Variants in GLB1 observed in about 807,000 individuals in gnomAD.
GLB1 encodes the protein beta-galactosidase.
In GLB1, 56 loss-of-function variants were observed where a neutral mutation model predicts 74.0. The ratio of observed to expected loss-of-function variants is 0.76; its 90% CI spans 0.61 to 0.94. GLB1 has a LOEUF of 0.94. Among genes scored for constraint, GLB1 ranks in the 40% least tolerant of loss-of-function variants. The pLI, the probability that GLB1 is intolerant of heterozygous loss-of-function variation, is 0.00. For synonymous variants in GLB1, 323 were observed against 323.6 expected, an observed-to-expected ratio of 1.00 and a Z score of 0.02; for missense variants, 787 against 845.5, an observed-to-expected ratio of 0.93 and a Z score of 0.86.
intron 15 of GLB1, among the ~76,000 whole-genome samples, chr3:33,012,339 C>G (rs1178265821): frequency 2.0e-5 from 3 of 152,128 alleles, no homozygotes; most frequent in African/African-American, 7.2e-5. Flanking sequence ...TTCTAGCCCC[C>G]ATGTGATGGG....
At position 33,014,189 on chromosome 3, in the gene GLB1, T is replaced by C. The variant is rs770982909; in HGVS notation, c.1601A>G (p.His534Arg). ...LGGWGHRDSG[H>R]HDEAWAHNSS... The stretch of plus-strand genomic sequence containing the variant: ...GTTGTGGGCCCAGGCTTCATCATGG[T>C]GGCCACTGTCACGGTGTCCCCAGCC... Residue 534 changes from histidine to arginine, a missense_variant, in exon 15 of 16, where the codon CAC becomes CGC. His to Arg is a conservative substitution (Grantham distance 29). Transcript: ENST00000307363. 6.9e-5 allele frequency: 111 copies of C among 1,614,002 alleles called. No homozygotes were observed. The highest frequency in any genetic ancestry group is 3.3e-4 in the Middle Eastern group (2 of 6,084).
chr3:33,002,781 C>T (rs1322833704), intron 15 of GLB1, among the ~76,000 whole-genome samples: 3 of 152,040 alleles, frequency 2.0e-5, no homozygotes, highest in African/African-American at 7.3e-5. Context: ...CAACAATAAG[C>T]TCAGGGTGAA....
chr3:33,046,071 A>G (rs1698727298), intron 10 of GLB1, 49 bp downstream of exon 10: 1 of 1,599,024 alleles, frequency 6.3e-7, no homozygotes, highest in Non-Finnish European at 8.5e-7. Flanking sequence ...TGAGTTCAAA[A>G]GAGGCTCTGT....
At chr3:32,986,198 A>C in the GLB1 span, among the ~76,000 whole-genome samples, 1 of 152,204 alleles carries the variant, frequency 6.6e-6, no homozygotes, top group South Asian at 2.1e-4. Flanking sequence ...TTCAGGTCTC[A>C]GTTTGGAGAC....
intron 15 of GLB1, among the ~76,000 whole-genome samples, chr3:33,002,690 T>A (rs1696628115): frequency 6.6e-6 from 1 of 152,200 alleles, no homozygotes; most frequent in Non-Finnish European, 1.5e-5. Flanking sequence ...ATTACAGGTG[T>A]GAGCCTCTGT....
downstream of GLB1, among the ~76,000 whole-genome samples, chr3:32,993,860 G>A (rs1274899527): frequency 6.6e-6 from 1 of 151,902 alleles, no homozygotes. Flanking sequence ...GTAGAGATGA[G>A]GTCTTGCCAT....
At chr3:33,062,122 C>T (rs1699466730) in intron 5 of GLB1, among the ~76,000 whole-genome samples, 1 of 152,212 alleles carries the variant, frequency 6.6e-6, no homozygotes, top group African/African-American at 2.4e-5. Flanking sequence ...ATTTTCTACC[C>T]TTCAACATGA....
the GLB1 span, among the ~76,000 whole-genome samples, chr3:32,974,514 T>G: frequency 2.0e-5 from 3 of 152,184 alleles, no homozygotes; most frequent in Admixed American, 6.5e-5. Flanking sequence ...CATAAATTTA[T>G]AAATATCATA....
At chr3:33,058,786 C>G (rs1035515014) in intron 5 of GLB1, among the ~76,000 whole-genome samples, 2 of 152,150 alleles carry the variant, frequency 1.3e-5, no homozygotes, top group East Asian at 3.8e-4. Flanking sequence ...TTATATGCAC[C>G]AATTGTAATT....
intron 1 of GLB1, among the ~76,000 whole-genome samples, chr3:33,079,926 G>A (rs1171225750): frequency 6.6e-6 from 1 of 151,950 alleles, no homozygotes; most frequent in Non-Finnish European, 1.5e-5. Flanking sequence ...GACCACAGGG[G>A]TGCGCCACCA....
intron 10 of GLB1, among the ~76,000 whole-genome samples, chr3:33,041,496 T>C (rs1698498098): frequency 6.6e-6 from 1 of 151,986 alleles, no homozygotes; most frequent in Non-Finnish European, 1.5e-5. Context: ...ACCCCATCTC[T>C]ACTAAAAATA....
intron 1 of GLB1, 139 bp downstream of exon 1, chr3:33,096,872 G>T (rs374536954): frequency 1.2e-4 from 166 of 1,427,524 alleles, no homozygotes; most frequent in Non-Finnish European, 1.4e-4. Context: ...GCGTTCCGCC[G>T]GCCGCGAGCC....
Position 33,060,737 on chromosome 3 carries a change from G to A in GLB1, c.553-2468C>T, listed in dbSNP as rs148367303. Among the ~76,000 whole-genome samples the A allele has an allele frequency of 7.4e-4, 112 of 152,322 alleles. 2 individuals carry two copies. In the East Asian group the frequency reaches 0.018, roughly 25 times the overall value. On this transcript the variant is annotated intron_variant, in intron 5 of 15. Coordinates refer to ENST00000307363, the MANE Select transcript of GLB1 (RefSeq NM_000404.4). Reference sequence around the variant, plus strand: ...GAGAGAGCGAGAAAAGCACAATTGCGAGGCAGCTTAGAGTTCTAGTCACAG... The same window carrying A: ...GAGAGAGCGAGAAAAGCACAATTGCAAGGCAGCTTAGAGTTCTAGTCACAG...
At chr3:32,998,767 G>C (rs907598685) in intron 15 of GLB1, among the ~76,000 whole-genome samples, 8 of 152,162 alleles carry the variant, frequency 5.3e-5, no homozygotes, top group African/African-American at 1.9e-4. Context: ...ACAGCCTGGA[G>C]GAGGCCCAGC....
the GLB1 span, among the ~76,000 whole-genome samples, chr3:32,974,177 A>C: frequency 2.0e-5 from 3 of 152,312 alleles, no homozygotes; most frequent in East Asian, 5.8e-4. Flanking sequence ...GTGAGATTCA[A>C]ACCACTAACA....
chr3:33,025,056 C>T (rs1010099956), intron 10 of GLB1, among the ~76,000 whole-genome samples: 8 of 152,070 alleles, frequency 5.3e-5, no homozygotes, highest in Non-Finnish European at 1.0e-4. Context: ...AGTGATTCTC[C>T]TGCTTCAGCC....
At chr3:33,068,403 G>T (rs1575471439) in intron 3 of GLB1, 113 bp from the exon 4 acceptor site, 1 of 1,421,240 alleles carries the variant, frequency 7.0e-7, no homozygotes, top group Non-Finnish European at 9.5e-7. Context: ...AGGGACAAGG[G>T]GTATTTGAGC....
intron 15 of GLB1, among the ~76,000 whole-genome samples, chr3:33,004,117 T>C (rs4447709): frequency 0.93 from 142,198 of 152,244 alleles, 67,157 homozygotes; most frequent in East Asian, 1. Context: ...GTGGAAGAAG[T>C]GACATGTGAA....
At chr3:33,048,576 C>T (rs1254876723) in intron 9 of GLB1, among the ~76,000 whole-genome samples, 1 of 152,170 alleles carries the variant, frequency 6.6e-6, no homozygotes, top group Non-Finnish European at 1.5e-5. Context: ...GTGAACTCCC[C>T]ACTCCTGATG....
Sources: gnomAD v4.1 joint callset for allele counts (sites outside exome capture counted in the v4.1 genomes callset) on GRCh38, gnomAD v4.1.1 for gene constraint, MANE v1.5 for transcripts, NCBI Gene and HGNC (gene_info 2026-07-23, HGNC 2026-07-21) for gene names.